ENOX1: variants seen among roughly 807,000 people sequenced by gnomAD.
ENOX1 encodes candidate growth-related and time keeping constitutive hydroquinone (NADH) oxidase.
A neutral mutation model predicts 82.5 loss-of-function variants in ENOX1; 42 were observed. That is an observed-to-expected ratio of 0.51 (90% CI 0.40 to 0.66). ENOX1 has a LOEUF of 0.66. Among genes scored for constraint, ENOX1 ranks in the 30% least tolerant of loss-of-function variants. ENOX1 has a pLI of 0.00. For missense variants in ENOX1, 608 were observed against 811.6 expected (o/e 0.75, Z 3.05); for synonymous variants, 271 against 282.2 (o/e 0.96, Z 0.40).
chr13:43,489,121 C>T lies in ENOX1; in HGVS notation c.-218-4969G>A, dbSNP rs145671186. Among the ~76,000 whole-genome samples, 20 of 152,262 alleles carry T rather than the reference C, an allele frequency of 1.3e-4. No homozygotes were observed. The East Asian group carries it at 3.9e-3, about 29-fold the overall frequency. ...GGTGCTTTAGAAGAAAGCCAGGAGC[C>T]ATTGACAATGCACCAATGGCTCTAA... On this transcript the variant is annotated intron_variant, in intron 2 of 16. Transcript: ENST00000690772.
chr13:43,785,404 T>G (rs895868844), intron 1 of ENOX1, among the ~76,000 whole-genome samples: 6 of 152,156 alleles, frequency 3.9e-5, no homozygotes, highest in Non-Finnish European at 7.4e-5. Flanking sequence ...GCACGCTTCA[T>G]TGCTTTCTCC....
At chr13:43,525,521 T>C (rs2077951142) in intron 2 of ENOX1, among the ~76,000 whole-genome samples, 1 of 152,184 alleles carries the variant, frequency 6.6e-6, no homozygotes, top group African/African-American at 2.4e-5. Context: ...CTGGATCATA[T>C]GGCAATTCTA....
At chr13:43,274,682 A>T (rs995847312) in intron 12 of ENOX1, among the ~76,000 whole-genome samples, 15 of 152,218 alleles carry the variant, frequency 9.9e-5, no homozygotes, top group African/African-American at 3.6e-4. Context: ...CAGATGCACT[A>T]TTACATTCTT....
chr13:43,247,070 C>T (rs141421292), intron 14 of ENOX1, among the ~76,000 whole-genome samples: 1,715 of 152,232 alleles, frequency 0.011, 22 homozygotes, highest in Middle Eastern at 0.027. Context: ...ACCTGTAATC[C>T]CAGCACTTTG....
At chr13:43,263,423 T>C (rs1164840941) in intron 14 of ENOX1, among the ~76,000 whole-genome samples, 3 of 152,218 alleles carry the variant, frequency 2.0e-5, no homozygotes, top group Non-Finnish European at 4.4e-5. Context: ...GCCTACGTCA[T>C]AGACTCTAGA....
chr13:43,372,942 C>CA (rs71099832), intron 5 of ENOX1, among the ~76,000 whole-genome samples: 18,367 of 144,422 alleles, frequency 0.13, 1,171 homozygotes, highest in East Asian at 0.28. Flanking sequence ...TCTTCATCTG[C>CA]AAAAAAAAAA....
intron 2 of ENOX1, among the ~76,000 whole-genome samples, chr13:43,588,594 C>A (rs1054743423): frequency 6.6e-6 from 1 of 152,208 alleles, no homozygotes; most frequent in Non-Finnish European, 1.5e-5. Context: ...GAAAGTCCTA[C>A]TGGAGCCTCA....
In ENOX1 at chr13:43,218,484, G is replaced by A. The variant is rs187352018; in HGVS notation, c.1801-4363C>T. On this transcript the variant is annotated intron_variant, in intron 16 of 16. Coordinates refer to ENST00000690772, the MANE Select transcript of ENOX1 (RefSeq NM_001347969.2). The stretch of plus-strand genomic sequence containing the variant: ...TCTACAAAACATACAAAAATTAGCC[G>A]ATATGGTGGCATGTCCCTGTGGTCC... Among the ~76,000 whole-genome samples the A allele has an allele frequency of 4.3e-4, 65 of 152,162 alleles. No individual in the cohort carries two copies. The South Asian group carries it at 6.6e-3, about 16-fold the overall frequency.
At chr13:43,259,018 G>A (rs1012714060) in intron 14 of ENOX1, among the ~76,000 whole-genome samples, 1 of 152,096 alleles carries the variant, frequency 6.6e-6, no homozygotes, top group African/African-American at 2.4e-5. Flanking sequence ...CTCATCACTG[G>A]GTCTCCAAAA....
chr13:43,398,823 A>T (rs565504156), intron 5 of ENOX1, among the ~76,000 whole-genome samples: 25 of 147,478 alleles, frequency 1.7e-4, no homozygotes, highest in African/African-American at 6.0e-4. Flanking sequence ...TTTTTGAGAC[A>T]GGGTCTCTGT....
At chr13:43,729,801 C>G in intron 1 of ENOX1, among the ~76,000 whole-genome samples, 1 of 152,230 alleles carries the variant, frequency 6.6e-6, no homozygotes, top group East Asian at 1.9e-4. Context: ...GACAGAAAGT[C>G]AACTTTGTAA....
At position 43,768,797 on chromosome 13, in the gene ENOX1, A is replaced by T. The variant is rs1266798207; in HGVS notation, c.-285+17855T>A. On this transcript the variant is annotated intron_variant, in intron 1 of 16. Transcript: ENST00000690772. ...CTCCCAACTAGCAGTCACTTTTCAC[A>T]AGTAAGCCTGTTCACTTTGTCATTG... Among the ~76,000 whole-genome samples, 6 of 152,304 alleles carry T rather than the reference A, an allele frequency of 3.9e-5. No homozygotes were observed. The South Asian group carries it at 1.2e-3, about 32-fold the overall frequency.
At chr13:43,333,928 A>C (rs751666017) in intron 9 of ENOX1, among the ~76,000 whole-genome samples, 3 of 152,216 alleles carry the variant, frequency 2.0e-5, no homozygotes, top group Admixed American at 1.3e-4. Flanking sequence ...CAGCCCTGTG[A>C]TAGGCAATTT....
At chr13:43,621,479 T>C (rs1020608484) in intron 2 of ENOX1, among the ~76,000 whole-genome samples, 2 of 152,212 alleles carry the variant, frequency 1.3e-5, no homozygotes, top group Non-Finnish European at 2.9e-5. Context: ...TTTGTTTGTC[T>C]GAAAAAGACT....
At chr13:43,318,543 A>AT (rs1277980564) in intron 11 of ENOX1, among the ~76,000 whole-genome samples, 1 of 152,218 alleles carries the variant, frequency 6.6e-6, no homozygotes, top group Non-Finnish European at 1.5e-5. Flanking sequence ...AGTTCTGAAC[A>AT]TTTTGTTTGA....
intron 15 of ENOX1, among the ~76,000 whole-genome samples, chr13:43,236,052 A>T (rs2042533580): frequency 6.6e-6 from 1 of 152,208 alleles, no homozygotes; most frequent in Non-Finnish European, 1.5e-5. Flanking sequence ...CTTCCTCGTG[A>T]AAATAAGTAA....
At chr13:43,684,113 A>AAAAAATT (rs2085943692) in intron 1 of ENOX1, among the ~76,000 whole-genome samples, 1 of 151,212 alleles carries the variant, frequency 6.6e-6, no homozygotes. Context: ...AAAAAAAAAA[A>AAAAAATT]TGTAACCTAC....
At chr13:43,299,451 C>T (rs1053500818) in intron 11 of ENOX1, among the ~76,000 whole-genome samples, 4 of 152,094 alleles carry the variant, frequency 2.6e-5, no homozygotes, top group African/African-American at 9.7e-5. Context: ...TCACTTCATA[C>T]CCCCACCAAG....
At chr13:43,295,418 G>A (rs1373030897) in intron 12 of ENOX1, among the ~76,000 whole-genome samples, 1 of 152,182 alleles carries the variant, frequency 6.6e-6, no homozygotes, top group Non-Finnish European at 1.5e-5. Flanking sequence ...GTTTTTCCAT[G>A]TTAGGAACCC....
Sources: gnomAD v4.1 joint callset for allele counts (sites outside exome capture counted in the v4.1 genomes callset) on GRCh38, gnomAD v4.1.1 for gene constraint, MANE v1.5 for transcripts, NCBI Gene and HGNC (gene_info 2026-07-23, HGNC 2026-07-21) for gene names.